Variants in CRACDL observed in about 807,000 individuals in gnomAD.
CRACDL encodes CRACD like.
Under a neutral mutation model 70.6 loss-of-function variants are expected in CRACDL, and 26 were observed. The ratio of observed to expected loss-of-function variants is 0.37; its 90% CI spans 0.27 to 0.51. CRACDL has a LOEUF of 0.51. Among genes scored for constraint, CRACDL ranks in the 20% least tolerant of loss-of-function variants. The pLI, the probability that CRACDL is intolerant of heterozygous loss-of-function variation, is 0.94. For missense variants in CRACDL, 1,283 were observed against 1,376.9 expected, an observed-to-expected ratio of 0.93 and a Z score of 1.08; for synonymous variants, 618 against 615.2, an observed-to-expected ratio of 1.00 and a Z score of -0.07.
At chr2:98,921,863 C>A (rs1045836217) in intron 1 of CRACDL, among the ~76,000 whole-genome samples, 2 of 152,130 alleles carry the variant, frequency 1.3e-5, no homozygotes, top group Admixed American at 1.3e-4. Context: ...TGACTCTGCC[C>A]CAGGTCATGG....
At chr2:98,832,310 T>G in intron 5 of CRACDL, 38 bp downstream of exon 5, 1 of 1,610,924 alleles carries the variant, frequency 6.2e-7, no homozygotes, top group Non-Finnish European at 8.5e-7. Flanking sequence ...CCAGGGCAGG[T>G]GTGGATGAAG....
At position 98,823,997 on chromosome 2, in the gene CRACDL, G is replaced by GC. The variant is rs1408485123; in HGVS notation, c.736-461_736-460insG. Among the ~76,000 whole-genome samples the GC allele has an allele frequency of 6.6e-6, 1 of 152,176 alleles. No homozygotes were observed. On this transcript the variant is annotated intron_variant, in intron 6 of 9. Coordinates refer to ENST00000397899, the MANE Select transcript of CRACDL (RefSeq NM_207362.3). The surrounding 1 kb of genome is among the most constrained non-coding windows in gnomAD (Gnocchi z 4.0). ...GCCTGGGCAAGCAGGTGGCCGAGCT[G>GC]AACAGCTGGGACTCTATGGCTCTGT... is the stretch of plus-strand genomic sequence containing the variant.
At position 98,822,713 on chromosome 2, in the gene CRACDL, A is replaced by G; in HGVS notation, c.1560T>C (p.Ser520=). ...AACCGGGGCCGGGCTCCACCGGGGG[A>G]GACTCCGCAGCGGCAAGCGGCGGGG... is the stretch of plus-strand genomic sequence containing the variant. ...AASPPLAAAE[S]PPVEPGPGSL... The change falls in exon 7 of 10, where the codon TCT becomes TCC. Residue 520 remains serine, a synonymous_variant. Transcript: ENST00000397899. This position sits in a 1 kb window ranked among gnomAD's most constrained non-coding sequence, Gnocchi z 4.9. The G allele has an allele frequency of 7.9e-7, 1 of 1,261,042 alleles. No individual in the cohort carries two copies. Among genetic ancestry groups the G allele is most frequent in the Non-Finnish European group, 9.9e-7 (1 of 1,006,772 alleles). 78.1% of individuals were successfully genotyped at this position (1,261,042 alleles called of 1,614,324 possible).
intron 1 of CRACDL, among the ~76,000 whole-genome samples, chr2:98,888,285 C>T (rs1707849143): frequency 6.6e-6 from 1 of 151,978 alleles, no homozygotes; most frequent in Non-Finnish European, 1.5e-5. Context: ...TTTTTTCCTT[C>T]TAATTTAAAA....
At chr2:98,930,612 G>A (rs1042655621) in intron 1 of CRACDL, among the ~76,000 whole-genome samples, 6 of 150,964 alleles carry the variant, frequency 4.0e-5, no homozygotes, top group African/African-American at 1.5e-4. Context: ...CCTGTCCTGT[G>A]TCACCTACCC....
intron 7 of CRACDL, among the ~76,000 whole-genome samples, chr2:98,813,374 G>T (rs1704651275): frequency 6.6e-6 from 1 of 152,196 alleles, no homozygotes; most frequent in Non-Finnish European, 1.5e-5. Flanking sequence ...GGAGGTTGCA[G>T]TGAGCCAAGA....
intron 1 of CRACDL, among the ~76,000 whole-genome samples, chr2:98,863,491 A>G (rs1707015209): frequency 6.6e-6 from 1 of 152,196 alleles, no homozygotes; most frequent in Non-Finnish European, 1.5e-5. Flanking sequence ...AATACACGGG[A>G]ATTATTAAAG....
intron 1 of CRACDL, among the ~76,000 whole-genome samples, chr2:98,853,025 AGGGAAAGGGAAGGGAAG>A (rs1198298354): frequency 1.7e-4 from 19 of 110,504 alleles, no homozygotes; most frequent in East Asian, 6.3e-4. Flanking sequence ...GGGGAAGGGA[AGGGAAAGGGAAGGGAAG>A]GGGAAAGGGA....
chr2:98,921,881 G>A (rs1708811619), intron 1 of CRACDL, among the ~76,000 whole-genome samples: 1 of 152,002 alleles, frequency 6.6e-6, no homozygotes, highest in South Asian at 2.1e-4. Context: ...TGGAGACCCT[G>A]AGTCCCACTC....
At chr2:98,930,924 C>T (rs1006957631) in intron 1 of CRACDL, among the ~76,000 whole-genome samples, 6 of 151,992 alleles carry the variant, frequency 3.9e-5, no homozygotes. Flanking sequence ...CATACAGCAC[C>T]TCATGTAATG....
At chr2:98,795,077 A>ATTTTTTTTTTTT (rs1181969802) in intron 9 of CRACDL, among the ~76,000 whole-genome samples, 671 of 58,368 alleles carry the variant, frequency 0.011, 77 homozygotes, top group Non-Finnish European at 0.017. Context: ...ATATATATAT[A>ATTTTTTTTTTTT]TTTTTTTTTT....
chr2:98,870,877 C>G (rs1707315246), intron 1 of CRACDL, among the ~76,000 whole-genome samples: 1 of 152,186 alleles, frequency 6.6e-6, no homozygotes, highest in Non-Finnish European at 1.5e-5. Flanking sequence ...AGGTCATGCC[C>G]AGCACAGAGT....
intron 1 of CRACDL, among the ~76,000 whole-genome samples, chr2:98,921,118 C>T (rs1708791343): frequency 6.6e-6 from 1 of 152,238 alleles, no homozygotes; most frequent in Non-Finnish European, 1.5e-5. Context: ...TCCTCTCTCC[C>T]TTGGGAAGGT....
At chr2:98,887,963 G>A (rs967451865) in intron 1 of CRACDL, among the ~76,000 whole-genome samples, 1 of 152,034 alleles carries the variant, frequency 6.6e-6, no homozygotes, top group African/African-American at 2.4e-5. Flanking sequence ...TTTCTTTTGG[G>A]GTGAAGAAAA....
intron 2 of CRACDL, among the ~76,000 whole-genome samples, chr2:98,841,420 G>A (rs2104523551): frequency 6.6e-6 from 1 of 151,652 alleles, no homozygotes; most frequent in South Asian, 2.1e-4. Context: ...TCTTTCAGTG[G>A]TTATACTACA....
At chr2:98,881,987 G>C (rs1338894231) in intron 1 of CRACDL, among the ~76,000 whole-genome samples, 2 of 152,220 alleles carry the variant, frequency 1.3e-5, no homozygotes, top group Admixed American at 6.5e-5. Flanking sequence ...GGGAGGACCT[G>C]GGAACAGTAG....
At chr2:98,814,737 A>T (rs1704712277) in intron 7 of CRACDL, among the ~76,000 whole-genome samples, 1 of 152,110 alleles carries the variant, frequency 6.6e-6, no homozygotes, top group East Asian at 1.9e-4. Context: ...CTGATTTTCT[A>T]CCTGCTACTT....
intron 7 of CRACDL, among the ~76,000 whole-genome samples, chr2:98,804,008 C>T (rs1204534653): frequency 3.9e-5 from 6 of 152,236 alleles, no homozygotes; most frequent in African/African-American, 1.4e-4. Context: ...AGGGGTTTTG[C>T]TTTTTAAAAG....
At chr2:98,838,670 A>T (rs889959847) in intron 2 of CRACDL, among the ~76,000 whole-genome samples, 9 of 152,290 alleles carry the variant, frequency 5.9e-5, no homozygotes, top group African/African-American at 1.7e-4. Flanking sequence ...CTCTCTCAAA[A>T]AAAATAAAAT....
Sources: allele counts gnomAD v4.1 joint callset (sites outside exome capture counted in the v4.1 genomes callset), GRCh38; gene constraint gnomAD v4.1.1; non-coding constraint Gnocchi (gnomAD v3.1); transcripts MANE v1.5; gene names NCBI Gene and HGNC (gene_info 2026-07-23, HGNC 2026-07-21).